B4GALT1: variants seen among roughly 807,000 people sequenced by gnomAD.
B4GALT1 encodes N-acetyllactosamine synthase.
Under a neutral mutation model 34.9 loss-of-function variants are expected in B4GALT1, and 16 were observed. That is an observed-to-expected ratio of 0.46 (90% CI 0.31 to 0.70). B4GALT1 has a LOEUF of 0.70. Ranked by LOEUF, B4GALT1 falls within the 30% of genes least tolerant of loss-of-function variation. The pLI is 0.05. For synonymous variants in B4GALT1, 221 were observed against 218.1 expected, an observed-to-expected ratio of 1.01 and a Z score of -0.12; for missense variants, 445 against 530.5, an observed-to-expected ratio of 0.84 and a Z score of 1.58.
chr9:33,110,193 T>C (rs922929227), downstream of B4GALT1, among the ~76,000 whole-genome samples: 1 of 152,220 alleles, frequency 6.6e-6, no homozygotes, highest in African/African-American at 2.4e-5. Flanking sequence ...AACTAAGACC[T>C]TTTAGAGCTT....
intron 2 of B4GALT1, among the ~76,000 whole-genome samples, chr9:33,127,130 A>G (rs1840123897): frequency 6.6e-6 from 1 of 151,922 alleles, no homozygotes; most frequent in African/African-American, 2.4e-5. Flanking sequence ...CGCCCGGCTA[A>G]TTTTTTGTAT....
At chr9:33,146,046 G>A (rs1367824151) in intron 1 of B4GALT1, among the ~76,000 whole-genome samples, 1 of 152,218 alleles carries the variant, frequency 6.6e-6, no homozygotes, top group South Asian at 2.1e-4. Context: ...GTCCAGTGGG[G>A]AAGCCACAGA....
At chr9:33,144,811 C>T (rs3824458) in intron 1 of B4GALT1, among the ~76,000 whole-genome samples, 54,870 of 151,888 alleles carry the variant, frequency 0.36, 10,456 homozygotes, top group East Asian at 0.59. Flanking sequence ...AGAATCTTGA[C>T]GGCAGGGATT....
At chr9:33,181,339 G>A in the B4GALT1 span, among the ~76,000 whole-genome samples, 1 of 151,834 alleles carries the variant, frequency 6.6e-6, no homozygotes, top group Non-Finnish European at 1.5e-5. Flanking sequence ...TGAGAGGATT[G>A]CCTAAGCCCA....
At chr9:33,176,080 C>A in the B4GALT1 span, among the ~76,000 whole-genome samples, 2 of 152,188 alleles carry the variant, frequency 1.3e-5, no homozygotes, top group South Asian at 4.1e-4. Flanking sequence ...GTCACCAGCT[C>A]CCCCTGCTCC....
upstream of B4GALT1, among the ~76,000 whole-genome samples, chr9:33,167,779 G>C (rs1255706458): frequency 6.6e-6 from 1 of 152,238 alleles, no homozygotes; most frequent in Non-Finnish European, 1.5e-5. Flanking sequence ...GTTCTGGCCA[G>C]TGGGCCTTGG....
At chr9:33,124,416 A>C (rs1370059529) in intron 2 of B4GALT1, among the ~76,000 whole-genome samples, 1 of 152,224 alleles carries the variant, frequency 6.6e-6, no homozygotes, top group Non-Finnish European at 1.5e-5. Context: ...CTTGGGGTAC[A>C]TCACACCTCC....
intron 1 of B4GALT1, among the ~76,000 whole-genome samples, chr9:33,163,285 A>G (rs1291300094): frequency 6.6e-6 from 1 of 152,170 alleles, no homozygotes; most frequent in Admixed American, 6.5e-5. Context: ...CAGCCCCCAT[A>G]AAAACCAGGG....
intron 1 of B4GALT1, among the ~76,000 whole-genome samples, chr9:33,160,728 T>C (rs1015453328): frequency 1.3e-5 from 2 of 151,772 alleles, no homozygotes; most frequent in Non-Finnish European, 2.9e-5. Flanking sequence ...ATCACTGCAC[T>C]CCAGCCTGGG....
At chr9:33,123,885 G>A (rs1350567207) in intron 2 of B4GALT1, among the ~76,000 whole-genome samples, 3 of 152,204 alleles carry the variant, frequency 2.0e-5, no homozygotes, top group Non-Finnish European at 4.4e-5. Flanking sequence ...TCAACGTGGT[G>A]AGATGCCCCA....
chr9:33,120,916 C>T (rs557262267), intron 2 of B4GALT1, among the ~76,000 whole-genome samples: 1 of 152,290 alleles, frequency 6.6e-6, no homozygotes, highest in East Asian at 1.9e-4. Flanking sequence ...TTCAATAAAT[C>T]ATAGTACATC....
chr9:33,183,634 G>A, the B4GALT1 span, among the ~76,000 whole-genome samples: 111 of 107,176 alleles, frequency 1.0e-3, 1 homozygote, highest in Non-Finnish European at 1.1e-4. Flanking sequence ...GACTGTTGTG[G>A]GGTGGGGGGA....
chr9:33,107,204 A>C, downstream of B4GALT1, among the ~76,000 whole-genome samples: 1 of 152,208 alleles, frequency 6.6e-6, no homozygotes, highest in East Asian at 1.9e-4. Flanking sequence ...GGACACTGCC[A>C]AAGACGGAAA....
At chr9:33,121,386 G>A (rs926126974) in intron 2 of B4GALT1, among the ~76,000 whole-genome samples, 9 of 152,074 alleles carry the variant, frequency 5.9e-5, no homozygotes, top group African/African-American at 2.2e-4. Flanking sequence ...TTTTTGAGAT[G>A]GAGTCTTGCT....
intron 1 of B4GALT1, among the ~76,000 whole-genome samples, chr9:33,147,139 T>C (rs532619885): frequency 6.6e-5 from 10 of 152,302 alleles, no homozygotes; most frequent in African/African-American, 2.2e-4. Flanking sequence ...ACTTTGTTGG[T>C]GACAGCACAG....
At chr9:33,174,633 AG>A in the B4GALT1 span, among the ~76,000 whole-genome samples, 1 of 151,366 alleles carries the variant, frequency 6.6e-6, no homozygotes, top group Non-Finnish European at 1.5e-5. Flanking sequence ...TGGGTGACAG[AG>A]TGAGACTCCG....
chr9:33,121,454 C>T (rs1471718078), intron 2 of B4GALT1, among the ~76,000 whole-genome samples: 1 of 151,914 alleles, frequency 6.6e-6, no homozygotes, highest in African/African-American at 2.4e-5. Flanking sequence ...CCTCTGCCTC[C>T]AGGATTCAAG....
At chr9:33,130,874 A>AC (rs1840185273) in intron 2 of B4GALT1, among the ~76,000 whole-genome samples, 2 of 152,030 alleles carry the variant, frequency 1.3e-5, no homozygotes, top group Non-Finnish European at 2.9e-5. Flanking sequence ...AGAATTCACC[A>AC]CCACAGAAGC....
chr9:33,150,751 A>G (rs1387654680), intron 1 of B4GALT1, among the ~76,000 whole-genome samples: 2 of 152,226 alleles, frequency 1.3e-5, no homozygotes, highest in Non-Finnish European at 2.9e-5. Context: ...TTTTTTTTAA[A>G]GTTAAGAATA....
Sources: gnomAD v4.1 joint callset for allele counts (sites outside exome capture counted in the v4.1 genomes callset) on GRCh38, gnomAD v4.1.1 for gene constraint, MANE v1.5 for transcripts, NCBI Gene and HGNC (gene_info 2026-07-23, HGNC 2026-07-21) for gene names.